Variants in ZNF410 observed in about 807,000 individuals in gnomAD.
ZNF410 encodes the protein another partner for ARF 1.
Under a neutral mutation model 54.8 loss-of-function variants are expected in ZNF410, and 18 were observed. That is an observed-to-expected ratio of 0.33 (90% CI 0.23 to 0.49). The LOEUF is 0.49. ZNF410 is among the 20% of genes least tolerant of loss of function. The probability of loss-of-function intolerance (pLI) is 0.99; values close to 1 mark genes in which losing one functional copy is unlikely to be tolerated. For missense variants in ZNF410, 405 were observed against 569.6 expected (o/e 0.71, Z 2.94); for synonymous variants, 191 against 207.3 (o/e 0.92, Z 0.68).
intron 7 of ZNF410, among the ~76,000 whole-genome samples, chr14:73,905,828 GGCATATATAAAAT>G (rs1372998566): frequency 6.7e-6 from 1 of 149,150 alleles, no homozygotes; most frequent in African/African-American, 2.5e-5. Context: ...GCATATATAT[GGCATATATAAAAT>G]GCATATATAA....
chr14:73,896,115 C>T (rs748648392), intron 3 of ZNF410: 2 of 557,332 alleles, frequency 3.6e-6, no homozygotes, highest in Non-Finnish European at 6.4e-6. Flanking sequence ...AATTCTGTTC[C>T]TCACGTTTTG....
rs549775932 is a variant in ZNF410 at position 73,889,830 on chromosome 14, T to C, written c.-149-2197T>C. ...TTTTTTTCTCGACACAGAGTCTTGC[T>C]CTGTCGCCCGGGCTGGAGTACAGTG... On this transcript the variant is annotated intron_variant, in intron 1 of 11. Coordinates refer to ENST00000555044, the MANE Select transcript of ZNF410 (RefSeq NM_021188.3). 9.2e-5 allele frequency among the ~76,000 whole-genome samples: 14 copies of C among 151,594 alleles called. No individual in the cohort carries two copies. In the South Asian group the frequency reaches 1.9e-3, roughly 20 times the overall value.
intron 10 of ZNF410, 196 bp downstream of exon 10, chr14:73,922,402 TAATAA>T: frequency 4.7e-6 from 2 of 423,950 alleles, no homozygotes. Flanking sequence ...GAAGATAATA[TAATAA>T]AAGAATAAAA....
Position 73,931,884 on chromosome 14 carries a change from A to C in ZNF410, c.*343A>C, listed in dbSNP as rs2055921288. ...GTTGAGGGGAGGTTTTCCTTTGAAG[A>C]GTTTTCATCCCAGACTCAGCTGTCT... On this transcript the variant is annotated 3_prime_UTR_variant, in exon 12 of 12. Coordinates refer to ENST00000555044, the MANE Select transcript of ZNF410 (RefSeq NM_021188.3). 6.7e-6 allele frequency: 3 copies of C among 446,350 alleles called. No individual in the cohort carries two copies. Among genetic ancestry groups the C allele is most frequent in the African/African-American group, 2.0e-5 (1 of 49,730 alleles). 27.6% of individuals were successfully genotyped at this position (446,350 alleles called of 1,614,324 possible).
At chr14:73,917,712 A>G (rs949413048) in intron 8 of ZNF410, among the ~76,000 whole-genome samples, 3 of 152,114 alleles carry the variant, frequency 2.0e-5, no homozygotes, top group Non-Finnish European at 2.9e-5. Flanking sequence ...AATCCCAACT[A>G]CTCAGGAGGC....
At chr14:73,917,727 G>T (rs192302306) in intron 8 of ZNF410, among the ~76,000 whole-genome samples, 1 of 152,252 alleles carries the variant, frequency 6.6e-6, no homozygotes, top group Non-Finnish European at 1.5e-5. Flanking sequence ...GGAGGCTGAG[G>T]TGCAAGAATC....
intron 7 of ZNF410, among the ~76,000 whole-genome samples, chr14:73,909,071 G>T (rs2055536009): frequency 6.6e-6 from 1 of 152,176 alleles, no homozygotes; most frequent in Non-Finnish European, 1.5e-5. Context: ...AAGAAGGTAG[G>T]TTAATGCAAC....
chr14:73,902,405 A>T (rs1283182124), intron 5 of ZNF410, among the ~76,000 whole-genome samples: 98 of 152,056 alleles, frequency 6.4e-4, no homozygotes, highest in Non-Finnish European at 4.4e-5. Context: ...ATTTTTAAAA[A>T]CCTTGGGGCA....
chr14:73,900,875 A>G (rs1050142689), intron 5 of ZNF410, among the ~76,000 whole-genome samples: 2 of 152,208 alleles, frequency 1.3e-5, no homozygotes, highest in Non-Finnish European at 2.9e-5. Flanking sequence ...TGTCATTAGT[A>G]TTAGTATATT....
At chr14:73,909,585 C>A in intron 8 of ZNF410, 155 bp downstream of exon 8, 2 of 565,382 alleles carry the variant, frequency 3.5e-6, no homozygotes, top group East Asian at 2.8e-5. Context: ...AAATCAAGGC[C>A]CTTAATTCTT....
At chr14:73,901,299 A>C (rs1306967703) in intron 5 of ZNF410, among the ~76,000 whole-genome samples, 2 of 152,158 alleles carry the variant, frequency 1.3e-5, no homozygotes, top group Non-Finnish European at 2.9e-5. Flanking sequence ...AGCCGGGCGC[A>C]GTGGTTCACA....
rs886977791 is a variant in ZNF410, at chr14:73,931,909, T to G, written c.*368T>G. The G allele has an allele frequency of 5.2e-5, 24 of 457,306 alleles. No homozygotes were observed. Among genetic ancestry groups the G allele is most frequent in the African/African-American group, 4.6e-4 (23 of 50,200 alleles). 28.3% of individuals were successfully genotyped at this position (457,306 alleles called of 1,614,324 possible). ...AGTTTTCATCCCAGACTCAGCTGTC[T>G]TTTCACATGGATGAAATAATTCCTG... On this transcript the variant is annotated 3_prime_UTR_variant, in exon 12 of 12. Coordinates refer to ENST00000555044, the MANE Select transcript of ZNF410 (RefSeq NM_021188.3).
chr14:73,920,773 G>A (rs961996918), intron 8 of ZNF410: 17 of 560,484 alleles, frequency 3.0e-5, no homozygotes, highest in South Asian at 1.1e-4. Flanking sequence ...CAGCAGCTGG[G>A]AGCAGGGAGT....
intron 1 of ZNF410, chr14:73,887,207 C>G (rs566597064): frequency 6.6e-6 from 1 of 152,496 alleles, no homozygotes; most frequent in South Asian, 2.1e-4. Context: ...GTCAGCGAGT[C>G]CCCGGGGCGG....
At chr14:73,895,030 T>C (rs573766814) in intron 3 of ZNF410, among the ~76,000 whole-genome samples, 8 of 152,018 alleles carry the variant, frequency 5.3e-5, no homozygotes, top group Non-Finnish European at 1.2e-4. Flanking sequence ...GGCATGGTGG[T>C]GTGCAGCTGT....
Position 73,923,433 on chromosome 14 carries a change from G to A in ZNF410, c.1309G>A (p.Val437Met), listed in dbSNP as rs2055783508. 6 of 1,613,948 alleles carry A rather than the reference G, an allele frequency of 3.7e-6. No homozygotes were observed. The highest frequency in any genetic ancestry group is 5.1e-6 in the Non-Finnish European group (6 of 1,179,990). ...AEGSPRSLSS[V>M]PDVTHHLVTM... is the part of the protein sequence containing the mutation. ...AGGATCCCCACGTTCCCTGTCTTCA[G>A]TGCCTGATGTGACACATCACCTGGT... Residue 437 changes from valine to methionine, a missense_variant, in exon 11 of 12, where the codon GTG becomes ATG. By Grantham distance (21) the Val-to-Met change is conservative. Coordinates refer to ENST00000555044, the MANE Select transcript of ZNF410 (RefSeq NM_021188.3).
At chr14:73,896,620 A>G in intron 4 of ZNF410, 86 bp downstream of exon 4, 1 of 1,035,028 alleles carries the variant, frequency 9.7e-7, no homozygotes, top group Non-Finnish European at 1.4e-6. Flanking sequence ...TACTTAAAAT[A>G]GAAAGAACCT....
chr14:73,914,959 C>T (rs2055641448), intron 8 of ZNF410: 1 of 150,520 alleles, frequency 6.6e-6, no homozygotes, highest in African/African-American at 2.4e-5. Flanking sequence ...ACCTTGAGTA[C>T]AATGTTGAAT....
At chr14:73,891,716 T>C (rs1310900382) in intron 1 of ZNF410, 2 of 294,096 alleles carry the variant, frequency 6.8e-6, no homozygotes, top group Non-Finnish European at 1.2e-5. Flanking sequence ...ATTGGGGGTG[T>C]GTGTGTGTGT....
Sources: gnomAD v4.1 joint callset for allele counts (sites outside exome capture counted in the v4.1 genomes callset) on GRCh38, gnomAD v4.1.1 for gene constraint, MANE v1.5 for transcripts, NCBI Gene and HGNC (gene_info 2026-07-23, HGNC 2026-07-21) for gene names.